USH2A: variants seen among roughly 807,000 people sequenced by gnomAD.
USH2A encodes the protein Usher syndrome 2A (autosomal recessive, mild).
USH2A carries 443 observed loss-of-function variants against 538.9 expected under a neutral mutation model. The ratio of observed to expected loss-of-function variants is 0.82; its 90% CI spans 0.76 to 0.89. The LOEUF is 0.89. Ranked by LOEUF, USH2A falls within the 40% of genes least tolerant of loss-of-function variation. USH2A has a pLI of 0.00. For missense variants in USH2A, 6,633 were observed against 6,324.8 expected (o/e 1.05, Z -1.65); for synonymous variants, 2,413 against 2,273.5 (o/e 1.06, Z -1.75).
At chr1:216,337,644 T>C (rs1015185318) in intron 4 of USH2A, among the ~76,000 whole-genome samples, 1 of 151,348 alleles carries the variant, frequency 6.6e-6, no homozygotes, top group Non-Finnish European at 1.5e-5. Flanking sequence ...ACTGCTTTTT[T>C]TTCCAAGATT....
Position 215,965,479 on chromosome 1 carries a change from C to A in USH2A, c.6958G>T (p.Val2320Leu). The A allele has an allele frequency of 6.2e-7, 1 of 1,613,432 alleles. No individual in the cohort carries two copies. Among genetic ancestry groups the A allele is most frequent in the Non-Finnish European group, 8.5e-7 (1 of 1,179,642 alleles). Residue 2320 changes from valine to leucine, a missense_variant and splice_region_variant, in exon 37 of 72, where the codon GTG becomes TTG. Coordinates refer to ENST00000307340, the MANE Select transcript of USH2A (RefSeq NM_206933.4). ...GGAGCTTCTAGAGTTCGATTTTCCA[C>A]CTGTGAGTATAAAAAGATTTATTTT... ...TAKGCALGPL[V>L]ENRTLEAPPE...
In USH2A at chr1:216,232,065, G is replaced by C; in HGVS notation, c.2881C>G (p.His961Asp). 1 of 1,614,050 alleles carries C rather than the reference G, an allele frequency of 6.2e-7. No homozygotes were observed. Among genetic ancestry groups the C allele is most frequent in the South Asian group, 1.1e-5 (1 of 91,074 alleles). The change falls in exon 14 of 72, where the codon CAC becomes GAC. Residue 961 changes from histidine (H) to aspartate (D), a missense_variant. His to Asp is a moderately conservative substitution (Grantham distance 81). Coordinates refer to ENST00000307340, the MANE Select transcript of USH2A (RefSeq NM_206933.4). ...CSCHTTGAVN[H>D]ICNSLTGQCV... ...TGACCAGTCAGGCTATTACAGATGT[G>C]ATTAACTGCACCAGTTGTATGGCAT...
In USH2A at chr1:215,965,138, T is replaced by C. The variant is rs540826906; in HGVS notation, c.7120+179A>G. Among the ~76,000 whole-genome samples the C allele has an allele frequency of 3.0e-4, 46 of 152,254 alleles. No homozygotes were observed. In the South Asian group the frequency reaches 3.5e-3, roughly 12 times the overall value. On this transcript the variant is annotated intron_variant, in intron 37 of 71. Transcript: ENST00000307340. ...CATCAGATGTGGCTGTTGCTGCTGC[T>C]CTGGGAACCACATTCTGAGAACCGT...
In USH2A at chr1:216,078,078, A is replaced by T. The variant is rs913135102; in HGVS notation, c.5572+11T>A. The T allele has an allele frequency of 6.2e-7, 1 of 1,613,538 alleles. No individual in the cohort carries two copies. The highest frequency in any genetic ancestry group is 8.5e-7 in the Non-Finnish European group (1 of 1,179,662). Reference sequence around the variant, plus strand: ...TGTATGGATTTGTGAATTCCTCCAGATGGAACTTACCTTGTTCCAAACACA... The same window carrying T: ...TGTATGGATTTGTGAATTCCTCCAGTTGGAACTTACCTTGTTCCAAACACA... On this transcript the variant is annotated intron_variant, in intron 27 of 71. Transcript: ENST00000307340.
chr1:216,256,317 T>A (rs1204201194), intron 11 of USH2A, among the ~76,000 whole-genome samples: 2 of 135,928 alleles, frequency 1.5e-5, no homozygotes, highest in Non-Finnish European at 3.1e-5. Context: ...GGATTTCTTT[T>A]TTCCTTTTTT....
intron 61 of USH2A, among the ~76,000 whole-genome samples, chr1:215,702,457 A>T (rs1293625264): frequency 5.3e-5 from 8 of 152,120 alleles, no homozygotes. Flanking sequence ...CAGGTACACC[A>T]ATTAAATGTA....
intron 36 of USH2A, among the ~76,000 whole-genome samples, chr1:215,966,654 G>A (rs533953084): frequency 1.1e-3 from 164 of 152,186 alleles, no homozygotes; most frequent in Middle Eastern, 3.4e-3. Flanking sequence ...TTGCTCTTTC[G>A]TTTTTAGTTT....
At chr1:216,188,055 T>A (rs2034642955) in intron 20 of USH2A, among the ~76,000 whole-genome samples, 1 of 151,878 alleles carries the variant, frequency 6.6e-6, no homozygotes, top group South Asian at 2.1e-4. Context: ...ATAAAAAAAA[T>A]AGAGAGAGGA....
At chr1:215,911,166 G>A (rs2102479191) in intron 38 of USH2A, among the ~76,000 whole-genome samples, 1 of 151,834 alleles carries the variant, frequency 6.6e-6, no homozygotes, top group South Asian at 2.1e-4. Context: ...GGAGAATGGG[G>A]TATCCATCCC....
At chr1:216,410,173 G>A (rs2039463894) in intron 3 of USH2A, among the ~76,000 whole-genome samples, 2 of 151,716 alleles carry the variant, frequency 1.3e-5, no homozygotes, top group African/African-American at 2.4e-5. Flanking sequence ...CAGTCAGAAT[G>A]TCTGTTATTA....
chr1:216,284,476 C>T (rs1280400199), intron 11 of USH2A, among the ~76,000 whole-genome samples: 1 of 152,146 alleles, frequency 6.6e-6, no homozygotes, highest in African/African-American at 2.4e-5. Flanking sequence ...TGAGGCCTCC[C>T]CCGCCCTGAG....
At chr1:215,645,923 TA>T (rs967692687) in intron 67 of USH2A, among the ~76,000 whole-genome samples, 18 of 147,544 alleles carry the variant, frequency 1.2e-4, no homozygotes, top group African/African-American at 2.2e-4. Context: ...AATGGGAAAT[TA>T]AAAAAAAAAC....
intron 30 of USH2A, among the ~76,000 whole-genome samples, chr1:216,059,714 G>T (rs529400547): frequency 6.6e-6 from 1 of 152,178 alleles, no homozygotes; most frequent in East Asian, 1.9e-4. Context: ...ACTTTTATAT[G>T]AACCTAAGGG....
At chr1:216,302,272 C>A (rs1002942899) in intron 9 of USH2A, among the ~76,000 whole-genome samples, 1 of 152,126 alleles carries the variant, frequency 6.6e-6, no homozygotes, top group Admixed American at 6.5e-5. Context: ...AGACTCATTG[C>A]ATTTATGACA....
chr1:216,111,750 T>C (rs1294706347), intron 21 of USH2A, among the ~76,000 whole-genome samples: 2 of 148,154 alleles, frequency 1.3e-5, no homozygotes, highest in African/African-American at 5.0e-5. Flanking sequence ...CTTCTGAAAC[T>C]AAAAAGAAAA....
At chr1:215,841,639 A>G (rs763286511) in intron 46 of USH2A, among the ~76,000 whole-genome samples, 10 of 152,210 alleles carry the variant, frequency 6.6e-5, no homozygotes, top group Admixed American at 2.6e-4. Flanking sequence ...GCACAGGCAA[A>G]CATTTCATGA....
rs1388170732 is a variant in USH2A, at chr1:216,246,588, G to A, written c.2806C>T (p.Pro936Ser). Residue 936 changes from proline (P) to serine (S), a missense_variant, in exon 13 of 72, where the codon CCA becomes TCA. Physicochemically the swap from Pro to Ser is moderately conservative, Grantham distance 74. Transcript: ENST00000307340. Reference protein sequence around the residue: ...RQGRRCNQCQPGFYISPGNAT... With the variant: ...RQGRRCNQCQSGFYISPGNAT... ...ATGTAATACATTTCTTTCTTACCTG[G>A]TTGACACTGATTACACCTTCTTCCT... 1.2e-6 allele frequency: 2 copies of A among 1,614,000 alleles called. No homozygotes were observed. The highest frequency in any genetic ancestry group is 1.3e-5 in the African/African-American group (1 of 75,036).
At chr1:215,726,673 T>C (rs140526058) in intron 61 of USH2A, among the ~76,000 whole-genome samples, 5 of 152,336 alleles carry the variant, frequency 3.3e-5, no homozygotes, top group African/African-American at 9.6e-5. Context: ...TTTGTTCTTA[T>C]TGAGGGTTTT....
At chr1:216,380,149 T>C (rs1006886387) in intron 3 of USH2A, among the ~76,000 whole-genome samples, 3 of 152,186 alleles carry the variant, frequency 2.0e-5, no homozygotes, top group East Asian at 1.9e-4. Context: ...AGTAAATTGA[T>C]AGGTACCGCA....
Sources: allele counts gnomAD v4.1 joint callset (sites outside exome capture counted in the v4.1 genomes callset), GRCh38; gene constraint gnomAD v4.1.1; transcripts MANE v1.5; gene names NCBI Gene and HGNC (gene_info 2026-07-23, HGNC 2026-07-21).